Variants in DISC1 observed in about 807,000 individuals in gnomAD.
DISC1 encodes the protein DISC1 scaffold protein, also known as disrupted in schizophrenia 1 protein.
A neutral mutation model predicts 84.5 loss-of-function variants in DISC1; 57 were observed. That is an observed-to-expected ratio of 0.67 (90% CI 0.55 to 0.84). DISC1 has a LOEUF of 0.84. Among genes scored for constraint, DISC1 ranks in the 40% least tolerant of loss-of-function variants. The pLI, the probability that DISC1 is intolerant of heterozygous loss-of-function variation, is 0.00. For missense variants in DISC1, 1,000 were observed against 1,057.8 expected, an observed-to-expected ratio of 0.95 and a Z score of 0.76; for synonymous variants, 411 against 415.2, an observed-to-expected ratio of 0.99 and a Z score of 0.12.
In DISC1 at chr1:231,856,196, G is replaced by C. The variant is rs116503586; in HGVS notation, c.1981+37679G>C. ...TCTCGGTTGGATTGCAGATTTATGT[G>C]TCACAGTATATTGGAACATAATGAA... On this transcript the variant is annotated intron_variant, in intron 9 of 12. Coordinates refer to ENST00000439617, the MANE Select transcript of DISC1 (RefSeq NM_018662.3). Among the ~76,000 whole-genome samples the C allele has an allele frequency of 3.6e-3, 544 of 152,238 alleles. 5 individuals carry two copies. The highest frequency in any genetic ancestry group is 0.013 in the African/African-American group (522 of 41,546).
rs10652394 is a variant in DISC1 at position 231,931,645 on chromosome 1, AT to A, written c.1982-27168del. Among the ~76,000 whole-genome samples the A allele has an allele frequency of 6.8e-3, 933 of 137,830 alleles. 4 individuals carry two copies. The highest frequency in any genetic ancestry group is 0.02 in the African/African-American group (728 of 37,002). The allele number at this position is 137,830 out of a possible 152,430, so 90.4% of individuals were successfully genotyped here. On this transcript the variant is annotated intron_variant, in intron 9 of 12. Coordinates refer to ENST00000439617, the MANE Select transcript of DISC1 (RefSeq NM_018662.3). ...TAGCTCAGTTTTGACACTGCTTGTG[AT>A]TTTTTTTTTTTTTTGTCTTTGAGAC...
At chr1:231,886,212 A>G (rs1372388070) in intron 9 of DISC1, among the ~76,000 whole-genome samples, 1 of 152,182 alleles carries the variant, frequency 6.6e-6, no homozygotes, top group Non-Finnish European at 1.5e-5. Context: ...GATTTCCAAC[A>G]CATTAACTTT....
intron 9 of DISC1, among the ~76,000 whole-genome samples, chr1:231,914,646 GCACATCCGT>G (rs1413724801): frequency 6.6e-6 from 1 of 152,106 alleles, no homozygotes; most frequent in Non-Finnish European, 1.5e-5. Context: ...AGCTTGGGTG[GCACATCCGT>G]CCCCGTGATT....
chr1:231,916,696 G>T (rs2089665486), intron 9 of DISC1, among the ~76,000 whole-genome samples: 1 of 151,916 alleles, frequency 6.6e-6, no homozygotes, highest in Non-Finnish European at 1.5e-5. Context: ...GAGTTGCCAG[G>T]GCTCTATTTA....
intron 10 of DISC1, among the ~76,000 whole-genome samples, chr1:231,993,530 G>A (rs1572534300): frequency 6.6e-6 from 1 of 152,294 alleles, no homozygotes; most frequent in East Asian, 1.9e-4. Flanking sequence ...TAATCTGTAA[G>A]AGGGTACTGG....
chr1:231,651,524 G>A (rs1194334203), intron 1 of DISC1, among the ~76,000 whole-genome samples: 1 of 152,232 alleles, frequency 6.6e-6, no homozygotes, highest in East Asian at 1.9e-4. Flanking sequence ...GTGTCTCTCA[G>A]TTAGGCTACA....
intron 10 of DISC1, among the ~76,000 whole-genome samples, chr1:231,995,138 A>G (rs1665744286): frequency 6.6e-6 from 1 of 152,168 alleles, no homozygotes; most frequent in Admixed American, 6.5e-5. Context: ...AAATTTAAAC[A>G]TGTCTAATAA....
intron 1 of DISC1, among the ~76,000 whole-genome samples, chr1:231,633,616 G>A (rs559735181): frequency 2.6e-5 from 4 of 152,238 alleles, no homozygotes; most frequent in East Asian, 1.9e-4. Flanking sequence ...CCCGAATGTC[G>A]TAGCTACTTT....
At chr1:231,695,100 G>T (rs2065476214) in intron 2 of DISC1, among the ~76,000 whole-genome samples, 1 of 152,222 alleles carries the variant, frequency 6.6e-6, no homozygotes, top group Non-Finnish European at 1.5e-5. Context: ...ATGCAGCCCA[G>T]CTCTGCTTTG....
chr1:231,751,372 T>G (rs973510988), intron 4 of DISC1, among the ~76,000 whole-genome samples: 6 of 152,226 alleles, frequency 3.9e-5, no homozygotes, highest in Admixed American at 1.3e-4. Flanking sequence ...TAACAAACAC[T>G]TTCATAACAG....
chr1:231,722,449 A>C (rs1183510833), intron 3 of DISC1: 3 of 1,591,268 alleles, frequency 1.9e-6, no homozygotes, highest in African/African-American at 2.7e-5. Context: ...TCCAGCATAA[A>C]CATCACAGTG....
At position 231,749,448 on chromosome 1, in the gene DISC1, G is replaced by A. The variant is rs116782827; in HGVS notation, c.1118-478G>A. 6.5e-3 allele frequency among the ~76,000 whole-genome samples: 984 copies of A among 152,256 alleles called. 16 individuals are homozygous for A. Among genetic ancestry groups the A allele is most frequent in the African/African-American group, 0.021 (856 of 41,540 alleles). On this transcript the variant is annotated intron_variant, in intron 3 of 12. Coordinates refer to ENST00000439617, the MANE Select transcript of DISC1 (RefSeq NM_018662.3). ...GTGGATATATAGTCATCTATAGCAT[G>A]GTAGAATTCGAACATCATTTCTATG...
chr1:231,756,739 T>C lies in DISC1; in HGVS notation c.1268+6663T>C, dbSNP rs114894954. Reference sequence around the variant, plus strand: ...GCTGTATATGGCTTGGTGTAGTTATTGAACCTCTCCAAACTCCACTCCCTT... The same window carrying C: ...GCTGTATATGGCTTGGTGTAGTTATCGAACCTCTCCAAACTCCACTCCCTT... On this transcript the variant is annotated intron_variant, in intron 4 of 12. Transcript: ENST00000439617. Among the ~76,000 whole-genome samples the C allele has an allele frequency of 7.5e-3, 1,135 of 152,266 alleles. 16 individuals carry two copies. The highest frequency in any genetic ancestry group is 0.026 in the African/African-American group (1,076 of 41,544).
chr1:231,634,921 C>CA (rs5781662), intron 1 of DISC1, among the ~76,000 whole-genome samples: 67,931 of 148,060 alleles, frequency 0.46, 15,882 homozygotes, highest in East Asian at 0.81. Flanking sequence ...GACCCTGTCT[C>CA]AAAAAAAAAA....
chr1:231,752,779 C>T lies in DISC1; in HGVS notation c.1268+2703C>T, dbSNP rs115112526. Among the ~76,000 whole-genome samples, 851 of 152,298 alleles carry T rather than the reference C, an allele frequency of 5.6e-3. 7 individuals are homozygous for T. Among genetic ancestry groups the T allele is most frequent in the African/African-American group, 0.019 (808 of 41,556 alleles). On this transcript the variant is annotated intron_variant, in intron 4 of 12. Coordinates refer to ENST00000439617, the MANE Select transcript of DISC1 (RefSeq NM_018662.3). ...AGAGTCTGTAAAATATAAAACCAGTCAGTTACTTCCAAGATATAGACATTG... is the reference window on the plus strand; with the variant it reads ...AGAGTCTGTAAAATATAAAACCAGTTAGTTACTTCCAAGATATAGACATTG...
At chr1:231,700,380 C>T (rs986305753) in intron 2 of DISC1, among the ~76,000 whole-genome samples, 4 of 152,134 alleles carry the variant, frequency 2.6e-5, no homozygotes, top group Non-Finnish European at 4.4e-5. Flanking sequence ...TGTTTTTCGT[C>T]ATCTAGTCAA....
intron 9 of DISC1, among the ~76,000 whole-genome samples, chr1:231,864,390 G>T (rs145275977): frequency 2.0e-5 from 3 of 152,138 alleles, no homozygotes; most frequent in Non-Finnish European, 4.4e-5. Context: ...TGGGCCGGGC[G>T]CAGTGGCTCA....
intron 10 of DISC1, among the ~76,000 whole-genome samples, chr1:232,006,591 C>T (rs1245061952): frequency 6.6e-6 from 1 of 152,010 alleles, no homozygotes; most frequent in Non-Finnish European, 1.5e-5. Flanking sequence ...TAAAGCAGTG[C>T]ATTTTTATGC....
At position 231,694,598 on chromosome 1, in the gene DISC1, C is replaced by A; in HGVS notation, c.840C>A (p.Ala280=). ...GGGTCTCTGCAGACTTGGCCCAGGC[C>A]GCAAGGAACAGCTCCAGGCCAGAGC... ...ATRVSADLAQ[A]ARNSSRPERD... is the part of the protein sequence containing the mutation. The change falls in exon 2 of 13, where the codon GCC becomes GCA. Residue 280 remains alanine (A), a synonymous_variant. Coordinates refer to ENST00000439617, the MANE Select transcript of DISC1 (RefSeq NM_018662.3). The A allele has an allele frequency of 6.2e-7, 1 of 1,614,252 alleles. No homozygotes were observed. Among genetic ancestry groups the A allele is most frequent in the Non-Finnish European group, 8.5e-7 (1 of 1,180,034 alleles).
Sources: allele counts gnomAD v4.1 joint callset (sites outside exome capture counted in the v4.1 genomes callset), GRCh38; gene constraint gnomAD v4.1.1; transcripts MANE v1.5; gene names NCBI Gene and HGNC (gene_info 2026-07-23, HGNC 2026-07-21).